Variants in CKAP5 observed in about 807,000 individuals in gnomAD.
CKAP5 encodes the protein cytoskeleton associated protein 5, also known as cytoskeleton-associated protein 5.
CKAP5 carries 27 observed loss-of-function variants against 232.8 expected under a neutral mutation model. That is an observed-to-expected ratio of 0.12 (90% CI 0.09 to 0.16). The LOEUF (loss-of-function observed/expected upper bound fraction) is 0.16, where lower values mean the gene tolerates loss of function less well. Among genes scored for constraint, CKAP5 ranks in the 10% least tolerant of loss-of-function variants. The pLI is 1.00. For synonymous variants in CKAP5, 785 were observed against 841.1 expected, an observed-to-expected ratio of 0.93 and a Z score of 1.16; for missense variants, 1,838 against 2,424.7, an observed-to-expected ratio of 0.76 and a Z score of 5.08.
chr11:46,766,182 A>G (rs570235384), intron 27 of CKAP5, among the ~76,000 whole-genome samples: 2 of 152,356 alleles, frequency 1.3e-5, no homozygotes, highest in Non-Finnish European at 2.9e-5. Context: ...CACTATTTCT[A>G]GTTGGCCACA....
chr11:46,844,571 A>C (rs1272519242), intron 1 of CKAP5, among the ~76,000 whole-genome samples: 1 of 152,260 alleles, frequency 6.6e-6, no homozygotes, highest in African/African-American at 2.4e-5. Context: ...ATGGAGAATA[A>C]AGTAAAAGGC....
chr11:46,794,966 A>G, intron 13 of CKAP5, among the ~76,000 whole-genome samples: 1 of 152,238 alleles, frequency 6.6e-6, no homozygotes, highest in Admixed American at 6.5e-5. Flanking sequence ...GAAAAGCATT[A>G]CGGCAATGGA....
rs755923860 is a variant in CKAP5 at position 46,778,297 on chromosome 11, C to T, written c.2590G>A (p.Glu864Lys). 6 of 1,612,730 alleles carry T rather than the reference C, an allele frequency of 3.7e-6. No homozygotes were observed. The highest frequency in any genetic ancestry group is 5.1e-6 in the Non-Finnish European group (6 of 1,179,496). Residue 864 changes from glutamate (E) to lysine (K), a missense_variant, in exon 22 of 44, where the codon GAG (glutamate) becomes AAG (lysine). This residue lies in a region of CKAP5 where 767 missense variants were observed against 954.6 expected (regional missense o/e 0.80). Transcript: ENST00000529230. The part of the protein sequence containing the change: ...RTEISDKITS[E>K]LVSKIGDKNW... ...TTATCACCAATCTTAGATACCAACT[C>T]TGAAGTGATTTTATCACTGAAAAAC...
rs571200132 is a variant in CKAP5 at position 46,816,204 on chromosome 11, G to A, written c.452C>T (p.Ala151Val). The change falls in exon 4 of 44, where the codon GCC becomes GTC. Residue 151 changes from alanine to valine, a missense_variant. Physicochemically the swap from Ala to Val is moderately conservative, Grantham distance 64. Transcript: ENST00000529230. ...AGCTAAAACAAAGTCTTACCTTAAG[G>A]CTTTCCTCAGTGTCTCTATACAGGC... ...IVACIETLRK[A>V]LSEFGSKIIL... 8.2e-5 allele frequency: 132 copies of A among 1,612,910 alleles called. No homozygotes were observed. In the East Asian group the frequency reaches 2.8e-3, roughly 34 times the overall value.
At chr11:46,746,852 TA>T (rs1454444848) in intron 42 of CKAP5, among the ~76,000 whole-genome samples, 1 of 152,190 alleles carries the variant, frequency 6.6e-6, no homozygotes, top group Non-Finnish European at 1.5e-5. Context: ...TCCAGCTGGG[TA>T]TGGTGGCTCA....
At chr11:46,824,697 G>A (rs1265103343) in intron 1 of CKAP5, among the ~76,000 whole-genome samples, 1 of 152,196 alleles carries the variant, frequency 6.6e-6, no homozygotes, top group Non-Finnish European at 1.5e-5. Context: ...TCTAGCTGCT[G>A]TGTAAAACCA....
chr11:46,755,611 C>G (rs982643478), intron 35 of CKAP5, among the ~76,000 whole-genome samples: 7 of 151,576 alleles, frequency 4.6e-5, no homozygotes, highest in African/African-American at 1.7e-4. Flanking sequence ...CTAAGAGGCT[C>G]ATTGTCTAGT....
chr11:46,841,846 A>G (rs1482539798), intron 1 of CKAP5, among the ~76,000 whole-genome samples: 1 of 152,062 alleles, frequency 6.6e-6, no homozygotes, highest in Non-Finnish European at 1.5e-5. Context: ...AAATACAAAA[A>G]ATTTAGGCGG....
At chr11:46,774,659 G>C (rs920337333) in intron 24 of CKAP5, among the ~76,000 whole-genome samples, 1 of 152,116 alleles carries the variant, frequency 6.6e-6, no homozygotes, top group Admixed American at 6.5e-5. Flanking sequence ...CAATGGAACA[G>C]AACAGAGGCC....
chr11:46,751,140 G>A lies in CKAP5; in HGVS notation c.5438C>T (p.Thr1813Ile). The change falls in exon 40 of 44, where the codon ACA becomes ATA. Residue 1813 changes from threonine (T) to isoleucine (I), a missense_variant. Physicochemically the swap from Thr to Ile is moderately conservative, Grantham distance 89. Around this residue, in one of 6 missense-constraint regions of CKAP5, gnomAD observed 579 missense variants for 843.2 expected, o/e 0.69. Coordinates refer to ENST00000529230, the MANE Select transcript of CKAP5 (RefSeq NM_001008938.4). ...DQTGSKSDKETEKGASRIDEK... is the reference protein window; with the variant it reads ...DQTGSKSDKEIEKGASRIDEK... ...CACTATTCGAGATGCTCCCTTTTCT[G>A]TTTCCTTATCAGACTTGCTCCCAGT... is the stretch of plus-strand genomic sequence containing the variant. 6.2e-7 allele frequency: 1 copy of A among 1,614,102 alleles called. No individual in the cohort carries two copies. Among genetic ancestry groups the A allele is most frequent in the Non-Finnish European group, 8.5e-7 (1 of 1,180,024 alleles).
chr11:46,770,176 T>C (rs1018171630), intron 25 of CKAP5, 78 bp from the exon 26 acceptor site: 3 of 1,463,378 alleles, frequency 2.1e-6, no homozygotes, highest in African/African-American at 2.8e-5. Context: ...ACAAATCCTC[T>C]GTCAAACAAA....
intron 17 of CKAP5, among the ~76,000 whole-genome samples, chr11:46,783,748 CA>C (rs1295972137): frequency 6.6e-6 from 1 of 151,998 alleles, no homozygotes; most frequent in East Asian, 1.9e-4. Context: ...CTCTGTTGCC[CA>C]GGCTGGAGTA....
chr11:46,801,605 G>A (rs1939032256), intron 8 of CKAP5, among the ~76,000 whole-genome samples: 1 of 152,028 alleles, frequency 6.6e-6, no homozygotes, highest in African/African-American at 2.4e-5. Context: ...GGGAGGCGGA[G>A]GCTGCAGTGA....
intron 17 of CKAP5, among the ~76,000 whole-genome samples, chr11:46,783,597 G>GT (rs66522172): frequency 8.5e-5 from 12 of 141,684 alleles, no homozygotes; most frequent in Non-Finnish European, 7.7e-5. Flanking sequence ...GCATTATAAT[G>GT]TTTTTTTTTT....
Position 46,809,885 on chromosome 11 carries a change from C to T in CKAP5, c.631-11G>A. Reference sequence around the variant, plus strand: ...TTCTAGTTCTTTCAACTGCAAATGTCATATAATATTTAAATAATATCTGCA... The same window carrying T: ...TTCTAGTTCTTTCAACTGCAAATGTTATATAATATTTAAATAATATCTGCA... On this transcript the variant is annotated splice_polypyrimidine_tract_variant and intron_variant, in intron 5 of 43. Coordinates refer to ENST00000529230, the MANE Select transcript of CKAP5 (RefSeq NM_001008938.4). The T allele has an allele frequency of 6.3e-7, 1 of 1,597,380 alleles. No individual in the cohort carries two copies. Among genetic ancestry groups the T allele is most frequent in the Non-Finnish European group, 8.5e-7 (1 of 1,174,482 alleles).
intron 3 of CKAP5, among the ~76,000 whole-genome samples, chr11:46,817,399 A>C (rs1056081445): frequency 6.6e-6 from 1 of 152,220 alleles, no homozygotes; most frequent in Admixed American, 6.5e-5. Flanking sequence ...AAGACTTTAC[A>C]ATAACTTTAC....
chr11:46,770,097 G>T lies in CKAP5; in HGVS notation c.3188C>A (p.Pro1063Gln). ...KMAKATGKLK[P>Q]TSKDQVLAML... ...GGCCAATACCTGATCTTTAGAAGTT[G>T]GCTAGAGAGACAAAATGACATAAAA... The change falls in exon 26 of 44, where the codon CCA becomes CAA. Residue 1063 changes from proline (P) to glutamine (Q), a missense_variant and splice_region_variant. By Grantham distance (76) the Pro-to-Gln change is moderately conservative (BLOSUM62 -1). This residue lies in a region of CKAP5 where 767 missense variants were observed against 954.6 expected (regional missense o/e 0.80). Coordinates refer to ENST00000529230, the MANE Select transcript of CKAP5 (RefSeq NM_001008938.4). The T allele has an allele frequency of 6.2e-7, 1 of 1,613,754 alleles. No homozygotes were observed. The highest frequency in any genetic ancestry group is 8.5e-7 in the Non-Finnish European group (1 of 1,179,788).
In CKAP5 at chr11:46,759,251, T is replaced by C; in HGVS notation, c.4568+18A>G. 6.2e-7 allele frequency: 1 copy of C among 1,605,860 alleles called. No homozygotes were observed. Among genetic ancestry groups the C allele is most frequent in the Non-Finnish European group, 8.5e-7 (1 of 1,175,916 alleles). On this transcript the variant is annotated intron_variant, in intron 34 of 43. Transcript: ENST00000529230. ...TCATCATGAACTGCTCATATTTAAA[T>C]GAAAGAGTTTAACTCACTTGGGTTC... is the stretch of plus-strand genomic sequence containing the variant.
chr11:46,772,609 T>C (rs1216067972), intron 24 of CKAP5, among the ~76,000 whole-genome samples: 1 of 152,194 alleles, frequency 6.6e-6, no homozygotes, highest in Non-Finnish European at 1.5e-5. Flanking sequence ...TGTGGGTCTA[T>C]TTCTGGGTTC....
Sources: gnomAD v4.1 joint callset for allele counts (sites outside exome capture counted in the v4.1 genomes callset) on GRCh38, gnomAD v4.1.1 for gene constraint, gnomAD v4.1.1 regional missense constraint, MANE v1.5 for transcripts, NCBI Gene and HGNC (gene_info 2026-07-23, HGNC 2026-07-21) for gene names.